TIMP2: variants seen among roughly 807,000 people sequenced by gnomAD.
The protein encoded by TIMP2 is TIMP metallopeptidase inhibitor 2.
A neutral mutation model predicts 24.3 loss-of-function variants in TIMP2; 5 were observed. That is an observed-to-expected ratio of 0.21 (90% CI 0.11 to 0.43). TIMP2 has a LOEUF of 0.43. TIMP2 is among the 20% of genes least tolerant of loss of function. The probability of loss-of-function intolerance (pLI) is 1.00; values close to 1 mark genes in which losing one functional copy is unlikely to be tolerated. For synonymous variants in TIMP2, 130 were observed against 123.2 expected (o/e 1.06, Z -0.37); for missense variants, 221 against 297.5 (o/e 0.74, Z 1.89).
intron 1 of TIMP2, among the ~76,000 whole-genome samples, chr17:78,884,238 G>A (rs2069805879): frequency 6.6e-6 from 1 of 152,174 alleles, no homozygotes; most frequent in Non-Finnish European, 1.5e-5. Flanking sequence ...GACAACTCCG[G>A]AGCCAGGGGC....
rs775904476 is a variant in TIMP2, at chr17:78,891,561, C to G, written c.131-17642G>C. 1.4e-5 allele frequency: 21 copies of G among 1,550,748 alleles called. No individual in the cohort carries two copies. In the African/African-American group the frequency reaches 2.6e-4, roughly 19 times the overall value. On this transcript the variant is annotated intron_variant, in intron 1 of 4. Coordinates refer to ENST00000262768, the MANE Select transcript of TIMP2 (RefSeq NM_003255.5). The surrounding 1 kb of genome is among the most constrained non-coding windows in gnomAD (Gnocchi z 4.5). The stretch of plus-strand genomic sequence containing the variant: ...ACGGCTTCCCTTCTGCAGCTGGAAT[C>G]AGCTGGCCACAGCTGCCCGAGGTCT...
At chr17:78,887,829 C>A (rs1032721888) in intron 1 of TIMP2, among the ~76,000 whole-genome samples, 9 of 151,654 alleles carry the variant, frequency 5.9e-5, no homozygotes, top group Non-Finnish European at 1.0e-4. Flanking sequence ...CTTTTTGACA[C>A]CCGGTCCTTT....
chr17:78,884,904 AG>A, intron 1 of TIMP2, among the ~76,000 whole-genome samples: 1 of 152,208 alleles, frequency 6.6e-6, no homozygotes, highest in Non-Finnish European at 1.5e-5. Flanking sequence ...TTGAAGGGGA[AG>A]GGAGATTTGT....
rs936614780 is a variant in TIMP2, at chr17:78,896,496, C to T, written c.131-22577G>A. 2.6e-5 allele frequency among the ~76,000 whole-genome samples: 4 copies of T among 152,178 alleles called. No individual in the cohort carries two copies. The highest frequency in any genetic ancestry group is 9.7e-5 in the African/African-American group (4 of 41,442). On this transcript the variant is annotated intron_variant, in intron 1 of 4. Transcript: ENST00000262768. This position sits in a 1 kb window ranked among gnomAD's most constrained non-coding sequence, Gnocchi z 4.4. ...AGCTCCCCTCCCAGAGGCACCTGCCCTCTCTGGTTGCTTAGAATATTCTAG... is the reference window on the plus strand; with the variant it reads ...AGCTCCCCTCCCAGAGGCACCTGCCTTCTCTGGTTGCTTAGAATATTCTAG...
intron 1 of TIMP2, among the ~76,000 whole-genome samples, chr17:78,875,851 C>T (rs1490058504): frequency 6.6e-6 from 1 of 152,166 alleles, no homozygotes; most frequent in African/African-American, 2.4e-5. Context: ...CTGGGCCCCA[C>T]CAATGCTCTC....
intron 1 of TIMP2, among the ~76,000 whole-genome samples, chr17:78,887,158 C>T (rs143430168): frequency 1.4e-4 from 22 of 152,298 alleles, no homozygotes; most frequent in African/African-American, 5.1e-4. Context: ...ATGAGCGTAA[C>T]GCTTGTTGGT....
At chr17:78,901,165 G>A (rs1599169531) in intron 1 of TIMP2, 1 of 153,090 alleles carries the variant, frequency 6.5e-6, no homozygotes, top group Admixed American at 6.5e-5. Flanking sequence ...GAGCTCGGCA[G>A]AGACACCCAC....
At chr17:78,874,064 A>G in intron 1 of TIMP2, 145 bp from the exon 2 acceptor site, 1 of 607,364 alleles carries the variant, frequency 1.6e-6, no homozygotes, top group Non-Finnish European at 2.8e-6. Flanking sequence ...GGGCATGGTG[A>G]TCCCAGCCCC....
intron 1 of TIMP2, among the ~76,000 whole-genome samples, chr17:78,907,806 C>A (rs1568006628): frequency 6.6e-6 from 1 of 152,070 alleles, no homozygotes; most frequent in African/African-American, 2.4e-5. Flanking sequence ...GAAAATACAC[C>A]CTTGCCAAAG....
chr17:78,918,100 A>ACACACACACACACAC (rs1289719167), intron 1 of TIMP2, among the ~76,000 whole-genome samples: 2 of 149,266 alleles, frequency 1.3e-5, no homozygotes, highest in Admixed American at 6.6e-5. Context: ...ACACACACAC[A>ACACACACACACACAC]ACTTCACTTA....
At chr17:78,923,471 C>T (rs998496240) in intron 1 of TIMP2, among the ~76,000 whole-genome samples, 4 of 151,614 alleles carry the variant, frequency 2.6e-5, no homozygotes, top group African/African-American at 9.7e-5. Context: ...CTTTTATCCA[C>T]AGCCTCCTTC....
chr17:78,906,252 C>A (rs2070157712), intron 1 of TIMP2, among the ~76,000 whole-genome samples: 1 of 152,062 alleles, frequency 6.6e-6, no homozygotes, highest in Non-Finnish European at 1.5e-5. Context: ...CCTGCAGTCC[C>A]AGCTACTCAG....
intron 1 of TIMP2, among the ~76,000 whole-genome samples, chr17:78,915,970 A>G (rs2070254304): frequency 6.6e-6 from 1 of 152,200 alleles, no homozygotes; most frequent in Non-Finnish European, 1.5e-5. Flanking sequence ...GAGCAAGAAC[A>G]TACCTCCAAG....
At chr17:78,872,214 C>T (rs1043430361) in intron 2 of TIMP2, among the ~76,000 whole-genome samples, 1 of 151,290 alleles carries the variant, frequency 6.6e-6, no homozygotes, top group Non-Finnish European at 1.5e-5. Context: ...TGGTCTCAAA[C>T]TCCTGAGCTC....
At chr17:78,916,555 C>T (rs987223642) in intron 1 of TIMP2, among the ~76,000 whole-genome samples, 1 of 152,198 alleles carries the variant, frequency 6.6e-6, no homozygotes, top group Non-Finnish European at 1.5e-5. Flanking sequence ...TGTCTGCCCG[C>T]GACCCATGGC....
At chr17:78,868,506 C>T (rs2069638715) in intron 3 of TIMP2, among the ~76,000 whole-genome samples, 1 of 152,164 alleles carries the variant, frequency 6.6e-6, no homozygotes, top group African/African-American at 2.4e-5. Flanking sequence ...CCGCCTCAGC[C>T]TCCTACATTG....
chr17:78,918,051 C>T (rs1310935862), intron 1 of TIMP2, among the ~76,000 whole-genome samples: 2 of 149,402 alleles, frequency 1.3e-5, no homozygotes, highest in Admixed American at 6.6e-5. Context: ...AAAACACGTA[C>T]GCGTGCACAC....
At chr17:78,890,934 C>T (rs2069881403) in intron 1 of TIMP2, 1 of 1,550,934 alleles carries the variant, frequency 6.4e-7, no homozygotes, top group African/African-American at 1.4e-5. Flanking sequence ...TCTGGGTGTT[C>T]CATTTGTTCA....
Position 78,891,051 on chromosome 17 carries a change from G to A in TIMP2, c.131-17132C>T. ...GCCTGGTCTTGAAGGTGGAGCTGAA[G>A]GGAGCCCTCTGCCAGCGTGCCCAGT... On this transcript the variant is annotated intron_variant, in intron 1 of 4. Transcript: ENST00000262768. This position sits in a 1 kb window ranked among gnomAD's most constrained non-coding sequence, Gnocchi z 4.5. 6.4e-7 allele frequency: 1 copy of A among 1,551,114 alleles called. No homozygotes were observed. The highest frequency in any genetic ancestry group is 8.7e-7 in the Non-Finnish European group (1 of 1,147,124).
Sources: gnomAD v4.1 joint callset for allele counts (sites outside exome capture counted in the v4.1 genomes callset) on GRCh38, gnomAD v4.1.1 for gene constraint, Gnocchi (gnomAD v3.1) non-coding constraint, MANE v1.5 for transcripts, NCBI Gene and HGNC (gene_info 2026-07-23, HGNC 2026-07-21) for gene names.